Variants in CATSPERB observed in about 807,000 individuals in gnomAD.
The protein encoded by CATSPERB is cation channel sperm-associated auxiliary subunit beta.
CATSPERB carries 93 observed loss-of-function variants against 128.3 expected under a neutral mutation model. That is an observed-to-expected ratio of 0.72 (90% CI 0.61 to 0.86). CATSPERB has a LOEUF of 0.86. Among genes scored for constraint, CATSPERB ranks in the 40% least tolerant of loss-of-function variants. The pLI is 0.00. For missense variants in CATSPERB, 1,153 were observed against 1,329.5 expected (o/e 0.87, Z 2.06); for synonymous variants, 381 against 448.8 (o/e 0.85, Z 1.91).
chr14:91,725,487 G>C (rs1896106275), intron 2 of CATSPERB, among the ~76,000 whole-genome samples: 1 of 152,198 alleles, frequency 6.6e-6, no homozygotes, highest in South Asian at 2.1e-4. Context: ...AAAGGATCCA[G>C]AATCAGCAAC....
At chr14:91,614,413 A>G (rs957214789) in intron 20 of CATSPERB, among the ~76,000 whole-genome samples, 1 of 152,206 alleles carries the variant, frequency 6.6e-6, no homozygotes, top group Admixed American at 6.5e-5. Flanking sequence ...TTGTAATCTT[A>G]GCACTTTGGG....
intron 25 of CATSPERB, 35 bp from the exon 26 acceptor site, chr14:91,587,311 T>C: frequency 1.3e-6 from 2 of 1,505,276 alleles, no homozygotes. Context: ...GTTAGCAGCA[T>C]CAACATGTAC....
At chr14:91,657,213 T>C (rs985000475) in intron 15 of CATSPERB, among the ~76,000 whole-genome samples, 9 of 152,094 alleles carry the variant, frequency 5.9e-5, no homozygotes, top group South Asian at 2.1e-4. Flanking sequence ...TGTCAACCAA[T>C]GGCTGCAGAA....
intron 9 of CATSPERB, among the ~76,000 whole-genome samples, chr14:91,691,983 C>T (rs530830472): frequency 2.6e-5 from 4 of 152,144 alleles, no homozygotes; most frequent in African/African-American, 7.2e-5. Context: ...TTGAGACCAG[C>T]CTGGCCAACA....
chr14:91,585,684 T>C (rs949032105), intron 26 of CATSPERB, among the ~76,000 whole-genome samples: 4 of 152,210 alleles, frequency 2.6e-5, no homozygotes, highest in Admixed American at 1.3e-4. Context: ...TTGTGGTCCT[T>C]TGTTGATGTC....
rs550250949 is a variant in CATSPERB at position 91,703,364 on chromosome 14, C to T, written c.616+1188G>A. On this transcript the variant is annotated intron_variant, in intron 7 of 26. Transcript: ENST00000256343. ...CTGCATGATGGAGTGCTAGGAACAT[C>T]CTTTGTTATAACATTTGGTCTTTGG... 2.0e-5 allele frequency among the ~76,000 whole-genome samples: 3 copies of T among 152,254 alleles called. No homozygotes were observed. In the East Asian group the frequency reaches 5.8e-4, roughly 29 times the overall value.
chr14:91,587,209 T>C lies in CATSPERB; in HGVS notation c.3125A>G (p.Glu1042Gly), dbSNP rs761050814. Residue 1042 changes from glutamate (E) to glycine (G), a missense_variant, in exon 26 of 27, where the codon GAA (glutamate) becomes GGA (glycine). Physicochemically the swap from Glu to Gly is moderately conservative, Grantham distance 98. Transcript: ENST00000256343. Reference sequence around the variant, plus strand: ...CAAGTGCATCCATTTTACCTGAAATTCTTCAATTAAGTTACAAAAAGTTAC... The same window carrying C: ...CAAGTGCATCCATTTTACCTGAAATCCTTCAATTAAGTTACAAAAAGTTAC... ...SGVTFCNLIEEFQIYVDEAPL... is the reference protein window; with the variant it reads ...SGVTFCNLIEGFQIYVDEAPL... 1.9e-6 allele frequency: 3 copies of C among 1,601,608 alleles called. No individual in the cohort carries two copies. Among genetic ancestry groups the C allele is most frequent in the South Asian group, 1.1e-5 (1 of 88,850 alleles).
At chr14:91,605,324 T>C (rs1566700439) in intron 22 of CATSPERB, 1 of 763,680 alleles carries the variant, frequency 1.3e-6, no homozygotes, top group Non-Finnish European at 2.2e-6. Flanking sequence ...ACTCATGTTA[T>C]TATTGGGGAA....
chr14:91,630,457 C>T (rs1019035610), intron 17 of CATSPERB, among the ~76,000 whole-genome samples: 2 of 152,236 alleles, frequency 1.3e-5, no homozygotes, highest in African/African-American at 4.8e-5. Context: ...AGATACCTAG[C>T]ACACATTTCA....
At chr14:91,703,789 C>A (rs1158003862) in intron 7 of CATSPERB, among the ~76,000 whole-genome samples, 2 of 152,162 alleles carry the variant, frequency 1.3e-5, no homozygotes, top group Admixed American at 1.3e-4. Flanking sequence ...TTATAATAAA[C>A]TGGCAAACCT....
At position 91,610,652 on chromosome 14, in the gene CATSPERB, A is replaced by G; in HGVS notation, c.2426T>C (p.Met809Thr). The stretch of plus-strand genomic sequence containing the variant: ...AAAGCACTCAGTAGAGGCTGACCAC[A>G]TAATAAATGCCAGTGAAGTTGAACC... Reference protein sequence around the residue: ...HQGSTSLAFIMWSASTECFVT... With the variant: ...HQGSTSLAFITWSASTECFVT... Residue 809 changes from methionine (M) to threonine (T), a missense_variant, in exon 21 of 27, where the codon ATG becomes ACG. Transcript: ENST00000256343. The G allele has an allele frequency of 1.2e-6, 2 of 1,611,830 alleles. No individual in the cohort carries two copies. The highest frequency in any genetic ancestry group is 2.2e-5 in the East Asian group (1 of 44,882).
intron 7 of CATSPERB, among the ~76,000 whole-genome samples, chr14:91,702,601 T>C (rs985454418): frequency 1.3e-5 from 2 of 151,474 alleles, no homozygotes; most frequent in African/African-American, 4.8e-5. Context: ...TTGTTATTCA[T>C]GGTGTATCAT....
chr14:91,597,906 TA>T, intron 22 of CATSPERB, among the ~76,000 whole-genome samples: 1 of 152,228 alleles, frequency 6.6e-6, no homozygotes, highest in South Asian at 2.1e-4. Context: ...GCAATAACAT[TA>T]AAACATTTTT....
chr14:91,599,585 G>A (rs1893575163), intron 22 of CATSPERB, among the ~76,000 whole-genome samples: 1 of 151,444 alleles, frequency 6.6e-6, no homozygotes, highest in African/African-American at 2.4e-5. Flanking sequence ...ATTTTGCCAG[G>A]GTTGAGGATG....
chr14:91,671,886 G>A (rs1210731593), intron 13 of CATSPERB, among the ~76,000 whole-genome samples: 1 of 151,900 alleles, frequency 6.6e-6, no homozygotes, highest in African/African-American at 2.4e-5. Flanking sequence ...AGGCATGGTG[G>A]CGGGCGCCTG....
At chr14:91,682,340 A>G (rs372546096) in intron 11 of CATSPERB, among the ~76,000 whole-genome samples, 1 of 152,178 alleles carries the variant, frequency 6.6e-6, no homozygotes, top group East Asian at 1.9e-4. Flanking sequence ...GTGGTGTCAG[A>G]TGGCTGACAG....
At chr14:91,628,982 T>C (rs1047819906) in intron 17 of CATSPERB, among the ~76,000 whole-genome samples, 8 of 152,180 alleles carry the variant, frequency 5.3e-5, no homozygotes, top group Non-Finnish European at 1.2e-4. Flanking sequence ...AAACTAAACA[T>C]ACTCTTAGCA....
At chr14:91,635,358 CT>C (rs77721928) in intron 17 of CATSPERB, among the ~76,000 whole-genome samples, 35,877 of 149,290 alleles carry the variant, frequency 0.24, 4,442 homozygotes, top group South Asian at 0.38. Flanking sequence ...AATTCATATT[CT>C]TTTTTTTTTG....
chr14:91,669,075 C>T (rs1179536211), intron 14 of CATSPERB, among the ~76,000 whole-genome samples: 1 of 152,108 alleles, frequency 6.6e-6, no homozygotes, highest in East Asian at 1.9e-4. Context: ...TTCTTTATAG[C>T]AGTGTGAGAA....
Sources: gnomAD v4.1 joint callset for allele counts (sites outside exome capture counted in the v4.1 genomes callset) on GRCh38, gnomAD v4.1.1 for gene constraint, MANE v1.5 for transcripts, NCBI Gene and HGNC (gene_info 2026-07-23, HGNC 2026-07-21) for gene names.